The following METTL15 variants were observed in gnomAD, a reference collection of about 807,000 sequenced individuals.
METTL15 encodes the protein 12S rRNA N(4)-cytidine methyltransferase METTL15.
METTL15 carries 34 observed loss-of-function variants against 38.3 expected under a neutral mutation model. The observed-to-expected ratio is 0.89, with a 90% CI of 0.68 to 1.18. The LOEUF (loss-of-function observed/expected upper bound fraction) is 1.18. Ranked by LOEUF, METTL15 falls within the 50% of genes most tolerant of loss-of-function variation. The pLI is 0.00. For missense variants in METTL15, 438 were observed against 498.4 expected (o/e 0.88, Z 1.15); for synonymous variants, 162 against 170.9 (o/e 0.95, Z 0.41).
chr11:28,113,099 T>C (rs146968011), intron 2 of METTL15, among the ~76,000 whole-genome samples: 6 of 152,280 alleles, frequency 3.9e-5, no homozygotes, highest in African/African-American at 1.4e-4. Context: ...TTAAAAATTG[T>C]ATTTAAATTA....
intron 3 of METTL15, among the ~76,000 whole-genome samples, chr11:28,192,618 C>A (rs1355729284): frequency 6.6e-6 from 1 of 152,054 alleles, no homozygotes; most frequent in East Asian, 1.9e-4. Flanking sequence ...TTCATTAAGT[C>A]TTAGAATTTA....
intron 4 of METTL15, among the ~76,000 whole-genome samples, chr11:28,246,130 A>G (rs1854499552): frequency 6.6e-6 from 1 of 152,220 alleles, no homozygotes; most frequent in Non-Finnish European, 1.5e-5. Context: ...TTGGAGCAAT[A>G]TTGTGACTAT....
chr11:28,433,175 T>C (rs1850951003), intron 6 of METTL15, among the ~76,000 whole-genome samples: 3 of 151,766 alleles, frequency 2.0e-5, no homozygotes, highest in Admixed American at 1.3e-4. Context: ...TTTTTTTGTT[T>C]TTTTTTGGCT....
intron 4 of METTL15, among the ~76,000 whole-genome samples, chr11:28,270,398 C>G (rs567253943): frequency 6.6e-6 from 1 of 152,256 alleles, no homozygotes; most frequent in South Asian, 2.1e-4. Flanking sequence ...CATGTTATAA[C>G]CTTTTCCAGC....
intron 6 of METTL15, among the ~76,000 whole-genome samples, chr11:28,504,283 T>C (rs1052224892): frequency 6.7e-6 from 1 of 149,880 alleles, no homozygotes; most frequent in Non-Finnish European, 1.5e-5. Flanking sequence ...GTAATATAAA[T>C]GCATGAAGCA....
chr11:28,169,974 G>A (rs1328961929), intron 3 of METTL15, among the ~76,000 whole-genome samples: 1 of 152,160 alleles, frequency 6.6e-6, no homozygotes, highest in Non-Finnish European at 1.5e-5. Flanking sequence ...GGTTGAGTGG[G>A]TGGTTGAGTA....
intron 4 of METTL15, among the ~76,000 whole-genome samples, chr11:28,278,074 C>T (rs1855910861): frequency 6.6e-6 from 1 of 152,128 alleles, no homozygotes; most frequent in Non-Finnish European, 1.5e-5. Context: ...ATACTTGTAA[C>T]AAAATTTCAC....
chr11:28,119,521 AT>A (rs1287359455), intron 3 of METTL15, among the ~76,000 whole-genome samples: 2 of 152,228 alleles, frequency 1.3e-5, no homozygotes, highest in African/African-American at 4.8e-5. Context: ...GGCTGAGAAA[AT>A]AAGCTGGCAC....
chr11:28,394,537 A>G (rs2133397153), intron 5 of METTL15, among the ~76,000 whole-genome samples: 1 of 152,184 alleles, frequency 6.6e-6, no homozygotes, highest in African/African-American at 2.4e-5. Context: ...AGAGAATGAA[A>G]GTTCTCAATA....
chr11:28,488,021 G>A (rs1377845845), intron 6 of METTL15, among the ~76,000 whole-genome samples: 2 of 152,070 alleles, frequency 1.3e-5, no homozygotes, highest in African/African-American at 2.4e-5. Flanking sequence ...CTGAGGACAG[G>A]ACAATAAGAA....
At chr11:28,379,139 T>C (rs1305037221) in intron 5 of METTL15, among the ~76,000 whole-genome samples, 1 of 152,088 alleles carries the variant, frequency 6.6e-6, no homozygotes, top group East Asian at 1.9e-4. Context: ...TTGTTGATTT[T>C]ATTTATCTTT....
chr11:28,480,990 T>C (rs1851390531), intron 6 of METTL15, among the ~76,000 whole-genome samples: 1 of 152,164 alleles, frequency 6.6e-6, no homozygotes, highest in Non-Finnish European at 1.5e-5. Flanking sequence ...AAGAAGGTAA[T>C]GTTTAGGCAG....
chr11:28,186,776 A>T lies in METTL15; in HGVS notation c.271-24286A>T, dbSNP rs550695362. Among the ~76,000 whole-genome samples, 473 of 150,798 alleles carry T rather than the reference A, an allele frequency of 3.1e-3. 2 individuals are homozygous for T. Among genetic ancestry groups the T allele is most frequent in the African/African-American group, 0.011 (448 of 41,380 alleles). On this transcript the variant is annotated intron_variant, in intron 3 of 6. Coordinates refer to ENST00000407364, the MANE Select transcript of METTL15 (RefSeq NM_001113528.2). ...CTATTGTAATATAACATTTTTTTTT[A>T]AAAAAGAGGATGCTGTGATTAAGTA...
intron 3 of METTL15, chr11:28,197,643 A>G (rs1365333585): frequency 3.3e-6 from 1 of 300,262 alleles, no homozygotes; most frequent in Non-Finnish European, 6.9e-6. Context: ...ATGTTTAAAC[A>G]TTTTCAGGAA....
At chr11:28,238,357 A>T (rs1050895732) in intron 4 of METTL15, among the ~76,000 whole-genome samples, 8 of 152,162 alleles carry the variant, frequency 5.3e-5, no homozygotes, top group African/African-American at 1.9e-4. Context: ...GTTTGATCTC[A>T]GACTGCCGTG....
intron 3 of METTL15, among the ~76,000 whole-genome samples, chr11:28,135,474 C>T (rs1394326650): frequency 6.6e-6 from 1 of 152,164 alleles, no homozygotes; most frequent in East Asian, 1.9e-4. Flanking sequence ...ATTCTTTACT[C>T]ACCACAGGTT....
chr11:28,371,745 A>G (rs1466154005), intron 5 of METTL15, among the ~76,000 whole-genome samples: 1 of 151,872 alleles, frequency 6.6e-6, no homozygotes, highest in Non-Finnish European at 1.5e-5. Context: ...AATTTATATT[A>G]TTTGAAGCCA....
At chr11:28,241,983 A>C (rs1259332310) in intron 4 of METTL15, among the ~76,000 whole-genome samples, 1 of 152,216 alleles carries the variant, frequency 6.6e-6, no homozygotes, top group Non-Finnish European at 1.5e-5. Flanking sequence ...ATTGTCTGAC[A>C]TGTTTTAAAA....
At position 28,330,593 on chromosome 11, in the gene METTL15, G is replaced by T; in HGVS notation, c.976G>T (p.Asp326Tyr). The T allele has an allele frequency of 1.9e-6, 3 of 1,551,450 alleles. No homozygotes were observed. The highest frequency in any genetic ancestry group is 2.6e-6 in the Non-Finnish European group (3 of 1,146,840). Reference protein sequence around the residue: ...LVALSFHSLEDRIVKRFLLGI... With the variant: ...LVALSFHSLEYRIVKRFLLGI... ...TGCCCTCTCCTTCCATTCACTAGAG[G>T]ATCGCATCGTCAAAAGATTTTTGCT... The change falls in exon 7 of 7, where the codon GAT becomes TAT. Residue 326 changes from aspartate (D) to tyrosine (Y), a missense_variant. Transcript: ENST00000407364.
Sources: gnomAD v4.1 joint callset for allele counts (sites outside exome capture counted in the v4.1 genomes callset) on GRCh38, gnomAD v4.1.1 for gene constraint, MANE v1.5 for transcripts, NCBI Gene and HGNC (gene_info 2026-07-23, HGNC 2026-07-21) for gene names.